FUT8: variants seen among roughly 807,000 people sequenced by gnomAD.
FUT8 encodes the protein alpha-(1,6)-fucosyltransferase.
FUT8 carries 29 observed loss-of-function variants against 71.3 expected under a neutral mutation model. That is an observed-to-expected ratio of 0.41 (90% confidence interval 0.30 to 0.55). The LOEUF (loss-of-function observed/expected upper bound fraction) is 0.55. Ranked by LOEUF, FUT8 falls within the 20% of genes least tolerant of loss-of-function variation. The probability of loss-of-function intolerance (pLI) is 0.34; values close to 1 mark genes in which losing one functional copy is unlikely to be tolerated. For missense variants in FUT8, 544 were observed against 702.1 expected (o/e 0.77, Z 2.55); for synonymous variants, 254 against 239.3 (o/e 1.06, Z -0.57).
intron 1 of FUT8, among the ~76,000 whole-genome samples, chr14:65,440,795 T>C (rs946084031): frequency 6.6e-6 from 1 of 152,176 alleles, no homozygotes; most frequent in African/African-American, 2.4e-5. Context: ...AGAATTTTAT[T>C]TGGGTCCATG....
chr14:65,412,459 AGCCTCCGGCCTTCAGGC>A (rs2065144983), upstream of FUT8: 1 of 409,824 alleles, frequency 2.4e-6, no homozygotes, highest in Admixed American at 2.7e-5. Flanking sequence ...CGCCCCGCTC[AGCCTCCGGCCTTCAGGC>A]GGTAGAGGGC....
intron 9 of FUT8, among the ~76,000 whole-genome samples, chr14:65,729,937 G>T (rs1207885349): frequency 6.6e-6 from 1 of 150,906 alleles, no homozygotes; most frequent in East Asian, 1.9e-4. Context: ...TTTTATTTTC[G>T]ACTTGAGTCG....
chr14:65,608,078 A>G, intron 3 of FUT8, among the ~76,000 whole-genome samples: 1 of 151,502 alleles, frequency 6.6e-6, no homozygotes, highest in East Asian at 1.9e-4. Context: ...AAAAAAAAAA[A>G]AAAATGCTTG....
intron 2 of FUT8, among the ~76,000 whole-genome samples, chr14:65,513,845 G>T (rs1882525134): frequency 1.3e-5 from 2 of 152,206 alleles, no homozygotes; most frequent in South Asian, 4.1e-4. Context: ...TCTAGGGTTT[G>T]TTTTACATGC....
At chr14:65,532,891 A>T (rs547692188) in intron 2 of FUT8, among the ~76,000 whole-genome samples, 1 of 152,318 alleles carries the variant, frequency 6.6e-6, no homozygotes, top group Admixed American at 6.5e-5. Context: ...TTGAATAGGA[A>T]ATCCTTTCTC....
chr14:65,423,533 A>G (rs934417566), intron 1 of FUT8, among the ~76,000 whole-genome samples: 8 of 152,064 alleles, frequency 5.3e-5, no homozygotes, highest in East Asian at 1.9e-4. Context: ...AAGTGCTGGG[A>G]TTACAGGCGT....
At position 65,574,590 on chromosome 14, in the gene FUT8, C is replaced by T. The variant is rs1705301113; in HGVS notation, c.203+12824C>T. 1.3e-5 allele frequency among the ~76,000 whole-genome samples: 2 copies of T among 152,070 alleles called. No individual in the cohort carries two copies. On this transcript the variant is annotated intron_variant, in intron 3 of 10. Transcript: ENST00000673929. This position sits in a 1 kb window ranked among gnomAD's most constrained non-coding sequence, Gnocchi z 5.2. ...ACCAGCAAGAGCTCAAAGAGTCTGACTCTAGGTATTATAGAATAATATATT... is the reference window on the plus strand; with the variant it reads ...ACCAGCAAGAGCTCAAAGAGTCTGATTCTAGGTATTATAGAATAATATATT...
At chr14:65,626,031 T>A (rs1889879688) in intron 5 of FUT8, among the ~76,000 whole-genome samples, 2 of 152,182 alleles carry the variant, frequency 1.3e-5, no homozygotes, top group Admixed American at 1.3e-4. Flanking sequence ...TCCTTCTCAT[T>A]GATCAATCCC....
intron 2 of FUT8, among the ~76,000 whole-genome samples, chr14:65,463,060 G>A (rs1240103789): frequency 6.6e-6 from 1 of 152,028 alleles, no homozygotes; most frequent in African/African-American, 2.4e-5. Context: ...TGTAACAATG[G>A]TAATGTATTT....
chr14:65,412,274 TGAG>T (rs1050115038), upstream of FUT8: 38 of 455,510 alleles, frequency 8.3e-5, no homozygotes, highest in African/African-American at 7.0e-4. Flanking sequence ...CTGCAGGGGC[TGAG>T]CAGCAGCAGC....
the FUT8 span, among the ~76,000 whole-genome samples, chr14:65,400,159 T>G: frequency 6.6e-6 from 1 of 152,236 alleles, no homozygotes; most frequent in Non-Finnish European, 1.5e-5. Context: ...ACTATTTTTC[T>G]TTTTCTTTTG....
chr14:65,470,206 A>G (rs763593530), intron 2 of FUT8, among the ~76,000 whole-genome samples: 1 of 152,202 alleles, frequency 6.6e-6, no homozygotes, highest in Non-Finnish European at 1.5e-5. Context: ...AACCTGCCAC[A>G]TTGGAGCCGG....
chr14:65,710,153 A>T (rs1594924035), intron 7 of FUT8, among the ~76,000 whole-genome samples: 1 of 152,208 alleles, frequency 6.6e-6, no homozygotes, highest in African/African-American at 2.4e-5. Context: ...GAATTTAATA[A>T]CATGTTTTTT....
intron 6 of FUT8, among the ~76,000 whole-genome samples, chr14:65,644,522 G>A (rs2140305672): frequency 6.6e-6 from 1 of 151,892 alleles, no homozygotes; most frequent in South Asian, 2.1e-4. Context: ...ACCATGCCCA[G>A]CTAATTTTTT....
chr14:65,721,631 A>T, intron 7 of FUT8, 144 bp from the exon 8 acceptor site: 1 of 843,660 alleles, frequency 1.2e-6, no homozygotes. Context: ...ATTTCGAGCA[A>T]GTTATTTAAC....
At chr14:65,519,922 G>A (rs1455352394) in intron 2 of FUT8, among the ~76,000 whole-genome samples, 2 of 152,140 alleles carry the variant, frequency 1.3e-5, no homozygotes, top group African/African-American at 4.8e-5. Flanking sequence ...GGGGCTACAG[G>A]AGCGTGCCAC....
rs1269274067 is a variant in FUT8 at position 65,643,608 on chromosome 14, C to G, written c.597+14002C>G. ...GGCGGAGCTTGCAGTGAGCAGAGAT[C>G]ATGCCACTGCACTGCAGCCTGGGCG... On this transcript the variant is annotated intron_variant, in intron 6 of 10. Transcript: ENST00000673929. This position sits in a 1 kb window ranked among gnomAD's most constrained non-coding sequence, Gnocchi z 4.5. 6.7e-6 allele frequency among the ~76,000 whole-genome samples: 1 copy of G among 150,116 alleles called. No individual in the cohort carries two copies. Among genetic ancestry groups the G allele is most frequent in the Non-Finnish European group, 1.5e-5 (1 of 67,676 alleles).
chr14:65,555,614 T>C (rs1355478166), intron 2 of FUT8, among the ~76,000 whole-genome samples: 1 of 152,218 alleles, frequency 6.6e-6, no homozygotes, highest in Non-Finnish European at 1.5e-5. Flanking sequence ...GTTTGGGTTC[T>C]TCCTTTCTGT....
intron 3 of FUT8, among the ~76,000 whole-genome samples, chr14:65,613,734 T>C (rs1889128282): frequency 6.6e-6 from 1 of 152,170 alleles, no homozygotes; most frequent in Admixed American, 6.6e-5. Flanking sequence ...GTGTAGGTAA[T>C]TGACAGTTAA....
Sources: gnomAD v4.1 joint callset for allele counts (sites outside exome capture counted in the v4.1 genomes callset) on GRCh38, gnomAD v4.1.1 for gene constraint, Gnocchi (gnomAD v3.1) non-coding constraint, MANE v1.5 for transcripts, NCBI Gene and HGNC (gene_info 2026-07-23, HGNC 2026-07-21) for gene names.